SS18L2: variants seen among roughly 807,000 people sequenced by gnomAD.
The protein encoded by SS18L2 is SS18 like 2, also known as SS18-like protein 2.
A neutral mutation model predicts 10.3 loss-of-function variants in SS18L2; 8 were observed. The ratio of observed to expected loss-of-function variants is 0.78; its 90% CI spans 0.46 to 1.41. The LOEUF is 1.41. Ranked by LOEUF, SS18L2 falls within the 40% of genes most tolerant of loss-of-function variation. The pLI is 0.00. For missense variants in SS18L2, 100 were observed against 96.2 expected, an observed-to-expected ratio of 1.04 and a Z score of -0.17; for synonymous variants, 41 against 34.6, an observed-to-expected ratio of 1.19 and a Z score of -0.65.
At chr3:42,582,059 C>T (rs1353288613) in intron 1 of SS18L2, 1 of 152,330 alleles carries the variant, frequency 6.6e-6, no homozygotes, top group Non-Finnish European at 1.5e-5. Context: ...CCGACCAATC[C>T]CGGCGCGCCT....
chr3:42,585,712 A>G (rs1441611016), intron 1 of SS18L2, among the ~76,000 whole-genome samples: 2 of 152,122 alleles, frequency 1.3e-5, no homozygotes, highest in East Asian at 3.9e-4. Flanking sequence ...CAGCACTACA[A>G]TCCTGGAAGA....
upstream of SS18L2, among the ~76,000 whole-genome samples, chr3:42,589,879 T>C (rs1225179678): frequency 6.6e-6 from 1 of 152,114 alleles, no homozygotes; most frequent in Admixed American, 6.5e-5. Flanking sequence ...GGAGTAACCA[T>C]GTGGCCCAAG....
rs919617981 is a variant in SS18L2 at position 42,596,290 on chromosome 3, G to A, written c.*1781G>A. On this transcript the variant is annotated 3_prime_UTR_variant, in exon 3 of 3. Transcript: ENST00000011691. ...ACCTGCCTCAGCCTCCTAGAGTGCTGGGATTACAGGCGTAAGCCACCGCGC... is the reference window on the plus strand; with the variant it reads ...ACCTGCCTCAGCCTCCTAGAGTGCTAGGATTACAGGCGTAAGCCACCGCGC... Among the ~76,000 whole-genome samples the A allele has an allele frequency of 1.3e-5, 2 of 152,172 alleles. No individual in the cohort carries two copies. The highest frequency in any genetic ancestry group is 4.8e-5 in the African/African-American group (2 of 41,442).
At chr3:42,583,929 G>A (rs1435716116) in intron 1 of SS18L2, among the ~76,000 whole-genome samples, 3 of 152,164 alleles carry the variant, frequency 2.0e-5, no homozygotes, top group African/African-American at 7.2e-5. Flanking sequence ...AGGTTCTCCC[G>A]GCTTGGGCCT....
Position 42,594,502 on chromosome 3 carries a change from T to A in SS18L2, c.227T>A (p.Met76Lys). 6.2e-7 allele frequency: 1 copy of A among 1,613,102 alleles called. No homozygotes were observed. The highest frequency in any genetic ancestry group is 1.1e-5 in the South Asian group (1 of 91,012). ...AGTCCAACCAGCACTTCAAAAGCAA[T>A]GGAATAATCTTTCAAAAGCAATAGA... ...DASPTSTSKA[M>K]E is the part of the protein sequence containing the mutation. Residue 76 changes from methionine to lysine, a missense_variant, in exon 3 of 3, where the codon ATG (methionine) becomes AAG (lysine). Transcript: ENST00000011691.
At chr3:42,591,983 T>A (rs1704866466) in intron 2 of SS18L2, among the ~76,000 whole-genome samples, 1 of 152,004 alleles carries the variant, frequency 6.6e-6, no homozygotes, top group Non-Finnish European at 1.5e-5. Context: ...AGTGAAGGGG[T>A]CAGGCCATTT....
chr3:42,584,899 G>A (rs946746525), intron 1 of SS18L2, among the ~76,000 whole-genome samples: 7 of 152,148 alleles, frequency 4.6e-5, no homozygotes, highest in Non-Finnish European at 1.0e-4. Flanking sequence ...ACTTTGGGAG[G>A]CCAAGGTGGG....
At chr3:42,589,487 A>G (rs34801786), upstream of SS18L2, among the ~76,000 whole-genome samples, 26,133 of 151,980 alleles carry the variant, frequency 0.17, 2,735 homozygotes, top group African/African-American at 0.29. Context: ...GGGAAAACGA[A>G]TCTTGTTACC....
intron 2 of SS18L2, among the ~76,000 whole-genome samples, chr3:42,592,159 CTT>C (rs896621293): frequency 3.3e-5 from 5 of 152,086 alleles, no homozygotes; most frequent in African/African-American, 1.2e-4. Context: ...GTCTGAGTCT[CTT>C]TTCCGAATCT....
chr3:42,585,547 T>C (rs1704582322), intron 1 of SS18L2, among the ~76,000 whole-genome samples: 1 of 152,214 alleles, frequency 6.6e-6, no homozygotes, highest in Non-Finnish European at 1.5e-5. Context: ...TCCCTCTACT[T>C]TGTTTTATTT....
intron 1 of SS18L2, 198 bp downstream of exon 1, chr3:42,591,164 G>A (rs1371448071): frequency 3.2e-6 from 2 of 633,904 alleles, no homozygotes; most frequent in African/African-American, 3.7e-5. Context: ...TCGGTCCCCC[G>A]CCGTCCAGAC....
chr3:42,595,501 C>T lies in SS18L2; in HGVS notation c.*992C>T, dbSNP rs1218153204. On this transcript the variant is annotated 3_prime_UTR_variant, in exon 3 of 3. Coordinates refer to ENST00000011691, the MANE Select transcript of SS18L2 (RefSeq NM_001370300.1). ...GTGATAAGTACTTGCTTTTGCATCA[C>T]ATAAGGAGTGACCTGACTTTTAAGT... Among the ~76,000 whole-genome samples, 1 of 152,188 alleles carries T rather than the reference C, an allele frequency of 6.6e-6. No individual in the cohort carries two copies. Among genetic ancestry groups the T allele is most frequent in the Non-Finnish European group, 1.5e-5 (1 of 68,018 alleles).
chr3:42,583,451 G>A (rs145079123), intron 1 of SS18L2, among the ~76,000 whole-genome samples: 9 of 152,340 alleles, frequency 5.9e-5, no homozygotes, highest in African/African-American at 2.2e-4. Flanking sequence ...ATGGTGCAGG[G>A]ATTCACAGAT....
intron 2 of SS18L2, among the ~76,000 whole-genome samples, chr3:42,592,457 C>T (rs143411732): frequency 0.032 from 4,929 of 152,310 alleles, 131 homozygotes; most frequent in East Asian, 0.11. Flanking sequence ...ACCTCGACCT[C>T]CCAAAGTGTT....
chr3:42,586,691 A>G (rs972569749), upstream of SS18L2, among the ~76,000 whole-genome samples: 1 of 151,858 alleles, frequency 6.6e-6, no homozygotes, highest in African/African-American at 2.4e-5. Flanking sequence ...TTCCTCTGCC[A>G]TAAGAGAAAC....
chr3:42,588,669 G>A (rs1704705588), upstream of SS18L2, among the ~76,000 whole-genome samples: 1 of 152,018 alleles, frequency 6.6e-6, no homozygotes, highest in Admixed American at 6.5e-5. Flanking sequence ...GGTGGTTCAT[G>A]CCCATAATCC....
At chr3:42,590,482 A>C (rs954221700), upstream of SS18L2, among the ~76,000 whole-genome samples, 1 of 151,720 alleles carries the variant, frequency 6.6e-6, no homozygotes, top group Non-Finnish European at 1.5e-5. Context: ...AAAAAATTAG[A>C]CGGGCGTGGT....
chr3:42,583,443 G>A (rs982166520), intron 1 of SS18L2, among the ~76,000 whole-genome samples: 2 of 152,190 alleles, frequency 1.3e-5, no homozygotes, highest in African/African-American at 4.8e-5. Flanking sequence ...ATGGATGGAT[G>A]GTGCAGGGAT....
chr3:42,583,263 G>T (rs1704494074), intron 1 of SS18L2, among the ~76,000 whole-genome samples: 2 of 152,198 alleles, frequency 1.3e-5, no homozygotes, highest in African/African-American at 4.8e-5. Context: ...AGTCATCTGG[G>T]CAAGAGAGAA....
Sources: allele counts gnomAD v4.1 joint callset (sites outside exome capture counted in the v4.1 genomes callset), GRCh38; gene constraint gnomAD v4.1.1; transcripts MANE v1.5; gene names NCBI Gene and HGNC (gene_info 2026-07-23, HGNC 2026-07-21).